The following RANBP2 variants were observed in gnomAD, a reference collection of about 807,000 sequenced individuals.
The protein encoded by RANBP2 is RAN binding protein 2.
In RANBP2, 57 loss-of-function variants were observed where a neutral mutation model predicts 303.6. The ratio of observed to expected loss-of-function variants is 0.19; its 90% CI spans 0.15 to 0.23. RANBP2 has a LOEUF of 0.23. Ranked by LOEUF, RANBP2 falls within the 10% of genes least tolerant of loss-of-function variation. RANBP2 has a pLI of 1.00. For missense variants in RANBP2, 3,138 were observed against 3,780.8 expected (o/e 0.83, Z 4.46); for synonymous variants, 1,167 against 1,301.5 (o/e 0.90, Z 2.23).
At chr2:109,609,692 C>G in the RANBP2 span, among the ~76,000 whole-genome samples, 132 of 151,518 alleles carry the variant, frequency 8.7e-4, no homozygotes, top group African/African-American at 2.8e-3. Context: ...AAATGAGAAG[C>G]CTCTTAGATA....
the RANBP2 span, among the ~76,000 whole-genome samples, chr2:109,590,623 G>C: frequency 6.6e-6 from 1 of 152,056 alleles, no homozygotes; most frequent in Non-Finnish European, 1.5e-5. Context: ...GTAGAGACAA[G>C]GTTTCACGTC....
the RANBP2 span, among the ~76,000 whole-genome samples, chr2:108,792,664 G>A: frequency 2.0e-5 from 3 of 152,108 alleles, no homozygotes; most frequent in African/African-American, 7.2e-5. Flanking sequence ...TTCATACTAT[G>A]TTTTATTTTT....
the RANBP2 span, chr2:108,910,808 A>G: frequency 1.9e-6 from 3 of 1,613,580 alleles, no homozygotes; most frequent in East Asian, 6.7e-5. Context: ...GTCCTTGCTC[A>G]CTTGGGCCTC....
chr2:109,128,936 C>A, the RANBP2 span: 1 of 386,204 alleles, frequency 2.6e-6, no homozygotes, highest in Non-Finnish European at 5.2e-6. Context: ...ACGGCGCCTC[C>A]TTCCCTGAGC....
At chr2:109,518,210 GT>G in the RANBP2 span, among the ~76,000 whole-genome samples, 1 of 152,206 alleles carries the variant, frequency 6.6e-6, no homozygotes, top group Admixed American at 6.5e-5. Flanking sequence ...GCATGAAGTT[GT>G]TTCTAAGCCT....
At chr2:109,559,909 GCCTT>G in the RANBP2 span, among the ~76,000 whole-genome samples, 1 of 115,178 alleles carries the variant, frequency 8.7e-6, no homozygotes, top group African/African-American at 3.8e-5. Context: ...TCCAACCAAT[GCCTT>G]TTTTTTTTTT....
chr2:109,007,662 G>A, the RANBP2 span, among the ~76,000 whole-genome samples: 4 of 152,186 alleles, frequency 2.6e-5, no homozygotes, highest in Non-Finnish European at 2.9e-5. Context: ...AAGAAGGAGA[G>A]TAATCTTCAG....
chr2:109,488,006 T>C, the RANBP2 span, among the ~76,000 whole-genome samples: 1 of 152,078 alleles, frequency 6.6e-6, no homozygotes, highest in Non-Finnish European at 1.5e-5. Context: ...GAAACAGAAG[T>C]GGGCAGAGAA....
At chr2:109,694,222 A>G in the RANBP2 span, among the ~76,000 whole-genome samples, 1 of 151,982 alleles carries the variant, frequency 6.6e-6, no homozygotes, top group Non-Finnish European at 1.5e-5. Flanking sequence ...GTGAGTTCTC[A>G]CTATGCTTGT....
chr2:109,698,445 G>C, the RANBP2 span, among the ~76,000 whole-genome samples: 1 of 149,768 alleles, frequency 6.7e-6, no homozygotes, highest in Non-Finnish European at 1.5e-5. Flanking sequence ...CAGCCTGGAC[G>C]ACAGAGTGAG....
At chr2:108,825,970 A>G in the RANBP2 span, among the ~76,000 whole-genome samples, 1 of 152,196 alleles carries the variant, frequency 6.6e-6, no homozygotes, top group African/African-American at 2.4e-5. Context: ...TGAAGTGGTC[A>G]ATCATTATGG....
rs758285462 is a variant in RANBP2 at position 108,781,423 on chromosome 2, A to G, written c.8754A>G (p.Leu2918=). The change falls in exon 26 of 29, where the codon CTA becomes CTG. Residue 2918 remains leucine (L), a synonymous_variant. Transcript: ENST00000283195. The part of the protein sequence containing the change: ...EDIHFEPIVS[L]PEVEVKSGEE... ...TCCATTTTGAACCAATAGTGTCACT[A>G]CCAGAGGTAAATGTTAAGGAATTAA... is the stretch of plus-strand genomic sequence containing the variant. 38 of 1,614,044 alleles carry G rather than the reference A, an allele frequency of 2.4e-5. No homozygotes were observed. The highest frequency in any genetic ancestry group is 3.1e-5 in the Non-Finnish European group (37 of 1,179,924).
chr2:109,519,059 C>T, the RANBP2 span, among the ~76,000 whole-genome samples: 1 of 151,624 alleles, frequency 6.6e-6, no homozygotes, highest in Non-Finnish European at 1.5e-5. Flanking sequence ...TCTGGGATTA[C>T]AGGTGCCCGC....
Position 108,766,370 on chromosome 2 carries a change from C to G in RANBP2, c.5831C>G (p.Thr1944Ser), listed in dbSNP as rs1677122248. The G allele has an allele frequency of 1.2e-6, 2 of 1,611,834 alleles. No homozygotes were observed. The highest frequency in any genetic ancestry group is 2.7e-5 in the African/African-American group (2 of 74,820). ...GTGATTTTTGGCCAAACAAGTAGCA[C>G]TTTTACATTTGCAGATCTTGCAAAA... The part of the protein sequence containing the change: ...RGVIFGQTSS[T>S]FTFADLAKST... The change falls in exon 20 of 29, where the codon ACT (threonine) becomes AGT (serine). Residue 1944 changes from threonine to serine, a missense_variant. By Grantham distance (58) the Thr-to-Ser change is moderately conservative (BLOSUM62 1). Transcript: ENST00000283195.
At chr2:108,872,176 G>A in the RANBP2 span, among the ~76,000 whole-genome samples, 2 of 151,960 alleles carry the variant, frequency 1.3e-5, no homozygotes, top group Non-Finnish European at 2.9e-5. Context: ...ATTCATTGTT[G>A]CCTCGGAGAA....
At chr2:109,720,381 T>C in the RANBP2 span, among the ~76,000 whole-genome samples, 1 of 152,054 alleles carries the variant, frequency 6.6e-6, no homozygotes. Context: ...TGGTTCTTAA[T>C]TCTGGCTACA....
chr2:109,515,804 G>A, the RANBP2 span, among the ~76,000 whole-genome samples: 32 of 152,238 alleles, frequency 2.1e-4, no homozygotes, highest in African/African-American at 7.2e-4. Flanking sequence ...GGTAGGGGCC[G>A]TGGCGGACTT....
the RANBP2 span, among the ~76,000 whole-genome samples, chr2:108,864,791 C>G: frequency 0.017 from 1,075 of 62,088 alleles, 12 homozygotes; most frequent in South Asian, 0.064. Flanking sequence ...GAGACTCCAT[C>G]TCAAAAAAAA....
chr2:108,862,071 A>G, the RANBP2 span, among the ~76,000 whole-genome samples: 586 of 101,210 alleles, frequency 5.8e-3, 1 homozygote, highest in Non-Finnish European at 9.1e-3. Context: ...TCTTGGTATG[A>G]TTTCAGTTTT....
Sources: gnomAD v4.1 joint callset for allele counts (sites outside exome capture counted in the v4.1 genomes callset) on GRCh38, gnomAD v4.1.1 for gene constraint, MANE v1.5 for transcripts, NCBI Gene and HGNC (gene_info 2026-07-23, HGNC 2026-07-21) for gene names.